PRKACB: variants seen among roughly 807,000 people sequenced by gnomAD.
PRKACB encodes the protein protein kinase cAMP-activated catalytic subunit beta.
PRKACB carries 16 observed loss-of-function variants against 51.4 expected under a neutral mutation model. That is an observed-to-expected ratio of 0.31 (90% CI 0.21 to 0.47). The LOEUF (loss-of-function observed/expected upper bound fraction) is 0.47, where lower values mean the gene tolerates loss of function less well. PRKACB is among the 20% of genes least tolerant of loss of function. The probability of loss-of-function intolerance (pLI) is 1.00; values close to 1 mark genes in which losing one functional copy is unlikely to be tolerated. For synonymous variants in PRKACB, 147 were observed against 154.4 expected (o/e 0.95, Z 0.35); for missense variants, 309 against 464.5 (o/e 0.67, Z 3.08).
intron 1 of PRKACB, among the ~76,000 whole-genome samples, chr1:84,167,057 C>T (rs1657733357): frequency 6.6e-6 from 1 of 151,542 alleles, no homozygotes; most frequent in African/African-American, 2.4e-5. Flanking sequence ...GACATGTACT[C>T]AGTCATTAAG....
intron 9 of PRKACB, among the ~76,000 whole-genome samples, chr1:84,228,467 A>G (rs540082583): frequency 6.6e-6 from 1 of 152,304 alleles, no homozygotes; most frequent in South Asian, 2.1e-4. Context: ...AGAACAGAAT[A>G]AAGCAACTGT....
At chr1:84,136,512 A>ACACACACT (rs1167652337) in intron 1 of PRKACB, among the ~76,000 whole-genome samples, 1 of 152,014 alleles carries the variant, frequency 6.6e-6, no homozygotes, top group Non-Finnish European at 1.5e-5. Flanking sequence ...ACACACACAC[A>ACACACACT]CACACACTCA....
At chr1:84,133,895 G>A (rs1183855555) in intron 1 of PRKACB, among the ~76,000 whole-genome samples, 1 of 152,226 alleles carries the variant, frequency 6.6e-6, no homozygotes, top group Admixed American at 6.5e-5. Flanking sequence ...CTGTTCACAA[G>A]TTCAGAGAGT....
chr1:84,138,797 A>G (rs1010213980), intron 1 of PRKACB, among the ~76,000 whole-genome samples: 7 of 152,196 alleles, frequency 4.6e-5, no homozygotes, highest in African/African-American at 1.7e-4. Flanking sequence ...AATATTAGTA[A>G]GTTGAATCCA....
intron 1 of PRKACB, among the ~76,000 whole-genome samples, chr1:84,122,847 T>G (rs1004740519): frequency 2.0e-5 from 3 of 152,218 alleles, no homozygotes; most frequent in Non-Finnish European, 2.9e-5. Flanking sequence ...AAAATAATGT[T>G]ATTGCATATT....
chr1:84,222,789 G>T (rs749770250), intron 9 of PRKACB, among the ~76,000 whole-genome samples: 1 of 152,116 alleles, frequency 6.6e-6, no homozygotes, highest in Non-Finnish European at 1.5e-5. Flanking sequence ...GTAGTTTATC[G>T]TTGGTGGCAG....
At chr1:84,158,847 C>G (rs1655838527) in intron 1 of PRKACB, among the ~76,000 whole-genome samples, 1 of 151,852 alleles carries the variant, frequency 6.6e-6, no homozygotes, top group South Asian at 2.1e-4. Flanking sequence ...GTTCTTTTTT[C>G]AACATGTAGA....
At position 84,196,608 on chromosome 1, in the gene PRKACB, C is replaced by A. The variant is rs747535921; in HGVS notation, c.561-8C>A. ...TTACAGAAAATCAATGGTTTTATTTCTTTGCAGTGAGCCCCATGCACGGTT... is the reference window on the plus strand; with the variant it reads ...TTACAGAAAATCAATGGTTTTATTTATTTGCAGTGAGCCCCATGCACGGTT... On this transcript the variant is annotated splice_polypyrimidine_tract_variant and splice_region_variant and intron_variant, in intron 5 of 9. Coordinates refer to ENST00000370685, the MANE Select transcript of PRKACB (RefSeq NM_182948.4). 1 of 1,606,276 alleles carries A rather than the reference C, an allele frequency of 6.2e-7. No individual in the cohort carries two copies. The highest frequency in any genetic ancestry group is 8.5e-7 in the Non-Finnish European group (1 of 1,177,098).
chr1:84,183,768 C>A (rs532223895), intron 3 of PRKACB, among the ~76,000 whole-genome samples: 2 of 151,866 alleles, frequency 1.3e-5, no homozygotes, highest in African/African-American at 4.8e-5. Flanking sequence ...TTAGCTCTCA[C>A]TTCTTAATTG....
At chr1:84,082,297 T>TA (rs1647600536) in intron 1 of PRKACB, among the ~76,000 whole-genome samples, 1 of 152,170 alleles carries the variant, frequency 6.6e-6, no homozygotes, top group Non-Finnish European at 1.5e-5. Context: ...CAGAATAGCT[T>TA]AGACAATTAT....
In PRKACB at chr1:84,198,241, T is replaced by C. The variant is rs1343471261; in HGVS notation, c.783+417T>C. ...TTAAATAAAAGGAATGTATGAGAAG[T>C]GTTTTTAAATTTTAAATAGGACTAT... On this transcript the variant is annotated intron_variant, in intron 7 of 9. Transcript: ENST00000370685. 2.6e-5 allele frequency among the ~76,000 whole-genome samples: 4 copies of C among 152,162 alleles called. No homozygotes were observed. The East Asian group carries it at 5.8e-4, about 22-fold the overall frequency.
chr1:84,170,241 G>A (rs540978524), intron 1 of PRKACB, among the ~76,000 whole-genome samples: 97 of 151,674 alleles, frequency 6.4e-4, no homozygotes, highest in African/African-American at 2.2e-3. Flanking sequence ...TACAGTTTAG[G>A]ATTTCTTAGC....
intron 1 of PRKACB, among the ~76,000 whole-genome samples, chr1:84,172,154 T>C (rs1324512534): frequency 6.6e-6 from 1 of 151,652 alleles, no homozygotes; most frequent in Non-Finnish European, 1.5e-5. Context: ...TGCTACCATT[T>C]ACTGAGTCAT....
chr1:84,186,769 G>C (rs1382829832), intron 5 of PRKACB, among the ~76,000 whole-genome samples: 4 of 152,032 alleles, frequency 2.6e-5, no homozygotes, highest in African/African-American at 7.2e-5. Flanking sequence ...TATCTGTTGG[G>C]GGGTGTCTAT....
intron 1 of PRKACB, among the ~76,000 whole-genome samples, chr1:84,171,135 T>G (rs1215056135): frequency 6.6e-6 from 1 of 151,550 alleles, no homozygotes; most frequent in Non-Finnish European, 1.5e-5. Flanking sequence ...AACTCGTAAA[T>G]TTAAGGTGTA....
At chr1:84,092,310 A>G (rs1281007151) in intron 1 of PRKACB, among the ~76,000 whole-genome samples, 1 of 152,154 alleles carries the variant, frequency 6.6e-6, no homozygotes, top group Non-Finnish European at 1.5e-5. Context: ...TCTTTCACTT[A>G]TGTATTTGTG....
At chr1:84,214,121 T>C in intron 8 of PRKACB, 32 bp from the exon 9 acceptor site, 1 of 1,567,856 alleles carries the variant, frequency 6.4e-7, no homozygotes, top group Non-Finnish European at 8.6e-7. Flanking sequence ...AGTCTTAGAA[T>C]GTGTGTTTTA....
At chr1:84,175,766 G>A in intron 1 of PRKACB, 6 of 1,550,590 alleles carry the variant, frequency 3.9e-6, no homozygotes, top group Non-Finnish European at 5.2e-6. Flanking sequence ...GTGGGTGAAT[G>A]TTCCTGCAAA....
intron 5 of PRKACB, among the ~76,000 whole-genome samples, chr1:84,193,693 G>T (rs1448591165): frequency 1.3e-5 from 2 of 152,124 alleles, no homozygotes; most frequent in African/African-American, 4.8e-5. Context: ...ACAGCAGGAA[G>T]CTTTAGCAGC....
Sources: gnomAD v4.1 joint callset for allele counts (sites outside exome capture counted in the v4.1 genomes callset) on GRCh38, gnomAD v4.1.1 for gene constraint, MANE v1.5 for transcripts, NCBI Gene and HGNC (gene_info 2026-07-23, HGNC 2026-07-21) for gene names.